CNPY1: variants seen among roughly 807,000 people sequenced by gnomAD.
CNPY1 encodes protein canopy homolog 1.
In CNPY1, 14 loss-of-function variants were observed where a neutral mutation model predicts 14.4. The ratio of observed to expected loss-of-function variants is 0.97; its 90% CI spans 0.64 to 1.52. The LOEUF is 1.52. Among genes scored for constraint, CNPY1 ranks in the 40% most tolerant of loss-of-function variants. CNPY1 has a pLI of 0.00. For synonymous variants in CNPY1, 43 were observed against 46.5 expected (o/e 0.92, Z 0.31); for missense variants, 129 against 131.5 (o/e 0.98, Z 0.09).
chr7:155,537,800 T>C (rs1473487755), intron 2 of CNPY1, among the ~76,000 whole-genome samples: 2 of 152,220 alleles, frequency 1.3e-5, no homozygotes, highest in Non-Finnish European at 2.9e-5. Context: ...CAATGCTACT[T>C]TTTAGAATAG....
intron 2 of CNPY1, among the ~76,000 whole-genome samples, chr7:155,538,133 C>T (rs1385085692): frequency 1.3e-5 from 2 of 152,200 alleles, no homozygotes; most frequent in African/African-American, 4.8e-5. Flanking sequence ...TTACAGGTTC[C>T]TGTGAACATC....
intron 2 of CNPY1, among the ~76,000 whole-genome samples, chr7:155,513,516 A>G (rs1472671019): frequency 2.0e-5 from 3 of 152,226 alleles, no homozygotes; most frequent in Admixed American, 1.3e-4. Flanking sequence ...TTAAAGTGAA[A>G]TAAGTCATTC....
rs143441729 is a variant in CNPY1 at position 155,515,257 on chromosome 7, C to T, written c.100-6160G>A. On this transcript the variant is annotated intron_variant, in intron 2 of 4. Coordinates refer to ENST00000636446, the MANE Select transcript of CNPY1 (RefSeq NM_001393663.1). Reference sequence around the variant, plus strand: ...GCCACACCTCAGGAGAGTCCCTGCTCATCTGGCCTCCACACCCTGGTCCTG... The same window carrying T: ...GCCACACCTCAGGAGAGTCCCTGCTTATCTGGCCTCCACACCCTGGTCCTG... 4.6e-3 allele frequency among the ~76,000 whole-genome samples: 696 copies of T among 151,558 alleles called. 8 individuals are homozygous for T. Among genetic ancestry groups the T allele is most frequent in the African/African-American group, 0.016 (680 of 41,342 alleles).
chr7:155,504,253 C>T (rs1796219838), intron 4 of CNPY1, among the ~76,000 whole-genome samples: 1 of 152,062 alleles, frequency 6.6e-6, no homozygotes, highest in East Asian at 1.9e-4. Flanking sequence ...TTTTTTCACT[C>T]ATCAAAAAAA....
Position 155,538,988 on chromosome 7 carries a change from G to A in CNPY1, c.99+6843C>T, listed in dbSNP as rs547689144. Among the ~76,000 whole-genome samples, 65 of 152,278 alleles carry A rather than the reference G, an allele frequency of 4.3e-4. 1 individual carries two copies. The highest frequency in any genetic ancestry group is 8.3e-4 in the South Asian group (4 of 4,822). ...TGCCAGGGCACATCAGCAGGAATCT[G>A]AGCCCCAAGGCTGCTGCCACCAGGG... is the stretch of plus-strand genomic sequence containing the variant. On this transcript the variant is annotated intron_variant, in intron 2 of 4. Coordinates refer to ENST00000636446, the MANE Select transcript of CNPY1 (RefSeq NM_001393663.1).
chr7:155,506,797 A>T (rs1796327783), intron 4 of CNPY1: 1 of 510,696 alleles, frequency 2.0e-6, no homozygotes. Flanking sequence ...TAATATATAG[A>T]GGAAAGAAAG....
intron 2 of CNPY1, among the ~76,000 whole-genome samples, chr7:155,517,772 A>T (rs373203681): frequency 6.6e-6 from 1 of 152,186 alleles, no homozygotes; most frequent in African/African-American, 2.4e-5. Context: ...ATAGCCACAC[A>T]TCTTCTTGTC....
At chr7:155,515,558 C>A in intron 2 of CNPY1, among the ~76,000 whole-genome samples, 1 of 152,126 alleles carries the variant, frequency 6.6e-6, no homozygotes, top group Non-Finnish European at 1.5e-5. Flanking sequence ...CCCCTGATGT[C>A]CAGTCACAAA....
At chr7:155,520,428 C>CTTTTTTTTTTTTTTTTTTTTT (rs71522007) in intron 2 of CNPY1, among the ~76,000 whole-genome samples, 2 of 69,410 alleles carry the variant, frequency 2.9e-5, no homozygotes, top group African/African-American at 6.2e-5. Context: ...TTCTTTCTTT[C>CTTTTTTTTTTTTTTTTTTTTT]TTTTTTTTTT....
intron 2 of CNPY1, among the ~76,000 whole-genome samples, chr7:155,543,956 G>GC (rs1797130388): frequency 6.6e-6 from 1 of 152,340 alleles, no homozygotes; most frequent in East Asian, 1.9e-4. Context: ...AATCGGAAAA[G>GC]CTATTTCAAC....
intron 2 of CNPY1, among the ~76,000 whole-genome samples, chr7:155,533,609 C>T (rs1376105863): frequency 6.6e-6 from 1 of 152,206 alleles, no homozygotes; most frequent in African/African-American, 2.4e-5. Flanking sequence ...GTGAAACCCC[C>T]GAGGGGAAAA....
intron 3 of CNPY1, among the ~76,000 whole-genome samples, chr7:155,507,668 T>A (rs1796374462): frequency 6.6e-6 from 1 of 152,012 alleles, no homozygotes; most frequent in South Asian, 2.1e-4. Flanking sequence ...TCGGGAGGTG[T>A]CTTTTCATGC....
intron 2 of CNPY1, among the ~76,000 whole-genome samples, chr7:155,526,872 G>A (rs1393838240): frequency 6.6e-6 from 1 of 152,060 alleles, no homozygotes; most frequent in East Asian, 1.9e-4. Context: ...ATCTGTCCTG[G>A]AGAAATCCAA....
At chr7:155,545,768 T>C (rs1386291340) in intron 2 of CNPY1, 63 bp downstream of exon 2, 1 of 397,662 alleles carries the variant, frequency 2.5e-6, no homozygotes, top group Non-Finnish European at 4.4e-6. Flanking sequence ...GCTGTTTGGA[T>C]AAATGGTTGG....
chr7:155,504,123 T>G (rs1585288276), intron 4 of CNPY1, among the ~76,000 whole-genome samples: 1 of 152,198 alleles, frequency 6.6e-6, no homozygotes, highest in African/African-American at 2.4e-5. Context: ...AATAACCCCC[T>G]GTTACTCTGT....
At chr7:155,512,173 A>G (rs73732792) in intron 2 of CNPY1, among the ~76,000 whole-genome samples, 3,531 of 152,262 alleles carry the variant, frequency 0.023, 149 homozygotes, top group African/African-American at 0.08. Context: ...CAGAGATACT[A>G]ACCTCATTAA....
At chr7:155,534,456 C>T (rs1252174771) in intron 2 of CNPY1, among the ~76,000 whole-genome samples, 1 of 152,228 alleles carries the variant, frequency 6.6e-6, no homozygotes, top group Non-Finnish European at 1.5e-5. Flanking sequence ...CACACAGACA[C>T]ACACACACTC....
chr7:155,533,348 G>A (rs1230883455), intron 2 of CNPY1, among the ~76,000 whole-genome samples: 1 of 152,192 alleles, frequency 6.6e-6, no homozygotes, highest in East Asian at 1.9e-4. Flanking sequence ...TCGTCAAAGA[G>A]GGAGGGGAAA....
chr7:155,518,993 A>G (rs1585313437), intron 2 of CNPY1, among the ~76,000 whole-genome samples: 1 of 152,236 alleles, frequency 6.6e-6, no homozygotes, highest in Non-Finnish European at 1.5e-5. Context: ...TCAATGCTTA[A>G]CACACCGCAT....
Sources: gnomAD v4.1 joint callset for allele counts (sites outside exome capture counted in the v4.1 genomes callset) on GRCh38, gnomAD v4.1.1 for gene constraint, MANE v1.5 for transcripts, NCBI Gene and HGNC (gene_info 2026-07-23, HGNC 2026-07-21) for gene names.